Variants in SPATA13 observed in about 807,000 individuals in gnomAD.
The protein encoded by SPATA13 is spermatogenesis-associated protein 13.
SPATA13 carries 50 observed loss-of-function variants against 104.0 expected under a neutral mutation model. The ratio of observed to expected loss-of-function variants is 0.48; its 90% confidence interval spans 0.38 to 0.61. The LOEUF (loss-of-function observed/expected upper bound fraction) is 0.61, where lower values mean the gene tolerates loss of function less well. Among genes scored for constraint, SPATA13 ranks in the 20% least tolerant of loss-of-function variants. The probability of loss-of-function intolerance (pLI) is 0.00; values close to 1 mark genes in which losing one functional copy is unlikely to be tolerated. For missense variants in SPATA13, 1,524 were observed against 1,690.6 expected, an observed-to-expected ratio of 0.90 and a Z score of 1.73; for synonymous variants, 606 against 667.5, an observed-to-expected ratio of 0.91 and a Z score of 1.42.
At chr13:24,290,984 C>G (rs1422097300) in intron 9 of SPATA13, 100 bp downstream of exon 9, 1 of 931,756 alleles carries the variant, frequency 1.1e-6, no homozygotes, top group Non-Finnish European at 1.6e-6. Context: ...CAGTGTCAGC[C>G]TTAACACTTT....
At chr13:24,172,126 C>T (rs1882996679) in intron 1 of SPATA13, among the ~76,000 whole-genome samples, 1 of 152,320 alleles carries the variant, frequency 6.6e-6, no homozygotes, top group Non-Finnish European at 1.5e-5. Flanking sequence ...CTAGTTTCCT[C>T]TGTCCCACCC....
chr13:24,097,519 A>G (rs1173014996), intron 3 of SPATA13, among the ~76,000 whole-genome samples: 4 of 152,188 alleles, frequency 2.6e-5, no homozygotes, highest in African/African-American at 9.7e-5. Context: ...GACTGCAGCA[A>G]CCACACAGCC....
intron 3 of SPATA13, chr13:24,034,625 A>G (rs960713013): frequency 2.0e-5 from 3 of 152,218 alleles, no homozygotes; most frequent in Non-Finnish European, 4.4e-5. Flanking sequence ...CTTGGGCCCT[A>G]GTCTTGTGAT....
At chr13:24,280,294 A>G (rs554930762) in intron 4 of SPATA13, among the ~76,000 whole-genome samples, 2 of 151,974 alleles carry the variant, frequency 1.3e-5, no homozygotes, top group East Asian at 3.9e-4. Context: ...TTTTCAATAG[A>G]CTCCTGTTAA....
intron 4 of SPATA13, among the ~76,000 whole-genome samples, chr13:24,261,235 C>G (rs781523666): frequency 2.0e-5 from 3 of 152,114 alleles, no homozygotes; most frequent in African/African-American, 7.2e-5. Flanking sequence ...TATGAAGAAC[C>G]GAGAGGTCGA....
chr13:24,278,755 C>G, intron 4 of SPATA13: 1 of 1,593,784 alleles, frequency 6.3e-7, no homozygotes, highest in South Asian at 1.1e-5. Flanking sequence ...GAAACTTGAC[C>G]AAGGACTCAT....
At chr13:24,209,600 C>G (rs1870901791) in intron 1 of SPATA13, among the ~76,000 whole-genome samples, 1 of 152,190 alleles carries the variant, frequency 6.6e-6, no homozygotes, top group South Asian at 2.1e-4. Flanking sequence ...GACAGGACAT[C>G]CTTTTCATGA....
At position 24,297,830 on chromosome 13, in the gene SPATA13, C is replaced by T. The variant is rs956637397; in HGVS notation, c.3583+95C>T. ...TGGGCCTGCTCTGCCCAGCCTTCTC[C>T]CTCAGAGCTGAATCCCACCATGGGG... On this transcript the variant is annotated intron_variant, in intron 11 of 12. Coordinates refer to ENST00000382108, the MANE Select transcript of SPATA13 (RefSeq NM_001166271.3). 15 of 1,424,780 alleles carry T rather than the reference C, an allele frequency of 1.1e-5. No homozygotes were observed. In the African/African-American group the frequency reaches 1.4e-4, roughly 14 times the overall value. 88.3% of individuals were successfully genotyped at this position (1,424,780 alleles called of 1,614,324 possible). A position where few individuals can be genotyped will look rare whatever the true frequency, so the allele number is the denominator to read the frequency against.
chr13:24,105,094 C>T (rs1049656476), intron 3 of SPATA13, among the ~76,000 whole-genome samples: 32 of 150,906 alleles, frequency 2.1e-4, no homozygotes, highest in African/African-American at 6.2e-4. Context: ...ACTATGGTAC[C>T]TCTTGGCTTC....
chr13:24,079,635 A>G (rs1235725240), intron 3 of SPATA13, among the ~76,000 whole-genome samples: 3 of 152,114 alleles, frequency 2.0e-5, no homozygotes, highest in African/African-American at 4.8e-5. Context: ...CCTGCCAAGT[A>G]TGGGGTCCAG....
chr13:24,218,708 G>GT lies in SPATA13; in HGVS notation c.-111-4100dup, dbSNP rs199886090. ...AAACTTTGGTAAAACATTATGAGGG[G>GT]TTTTTTTTTTTGCGATTTTTTTTTT... On this transcript the variant is annotated intron_variant, in intron 1 of 12. Coordinates refer to ENST00000382108, the MANE Select transcript of SPATA13 (RefSeq NM_001166271.3). 2.9e-3 allele frequency among the ~76,000 whole-genome samples: 397 copies of GT among 138,388 alleles called. 2 individuals are homozygous for GT. Among genetic ancestry groups the GT allele is most frequent in the African/African-American group, 7.8e-3 (285 of 36,518 alleles). The allele number at this position is 138,388 out of a possible 152,430, so 90.8% of individuals were successfully genotyped here. A position where few individuals can be genotyped will look rare whatever the true frequency, so the allele number is the denominator to read the frequency against.
intron 2 of SPATA13, among the ~76,000 whole-genome samples, chr13:24,229,010 C>A (rs948201487): frequency 6.6e-6 from 1 of 152,220 alleles, no homozygotes; most frequent in South Asian, 2.1e-4. Flanking sequence ...GCATGCCATG[C>A]TCCTGCCACC....
intron 1 of SPATA13, among the ~76,000 whole-genome samples, chr13:24,162,029 C>T (rs1441261567): frequency 6.6e-6 from 1 of 152,160 alleles, no homozygotes; most frequent in Non-Finnish European, 1.5e-5. Context: ...TCCCCCTCCC[C>T]CGTCTTGCAA....
At chr13:24,095,211 A>G (rs555183098) in intron 3 of SPATA13, among the ~76,000 whole-genome samples, 7 of 152,346 alleles carry the variant, frequency 4.6e-5, no homozygotes, top group Non-Finnish European at 1.0e-4. Context: ...AGGCAATGAA[A>G]TATTATTTAT....
chr13:24,263,844 C>G (rs1247491791), intron 4 of SPATA13, among the ~76,000 whole-genome samples: 2 of 152,204 alleles, frequency 1.3e-5, no homozygotes, highest in Non-Finnish European at 2.9e-5. Flanking sequence ...AAGTGTTTTC[C>G]TGACTGCTAA....
intron 3 of SPATA13, among the ~76,000 whole-genome samples, chr13:24,066,663 A>T (rs1227579882): frequency 6.6e-6 from 1 of 152,114 alleles, no homozygotes; most frequent in Admixed American, 6.5e-5. Flanking sequence ...ATGGGCCAGG[A>T]GGGGTCTGTT....
intron 9 of SPATA13, among the ~76,000 whole-genome samples, chr13:24,291,358 A>C (rs568474767): frequency 1.3e-5 from 2 of 152,302 alleles, no homozygotes; most frequent in East Asian, 3.9e-4. Context: ...GGCTTACCTA[A>C]AGTTACTTGT....
chr13:24,152,731 C>T (rs1164301963), intron 3 of SPATA13, among the ~76,000 whole-genome samples: 1 of 152,194 alleles, frequency 6.6e-6, no homozygotes, highest in African/African-American at 2.4e-5. Flanking sequence ...GCTCATTCAT[C>T]AGGCTTGTGT....
intron 3 of SPATA13, among the ~76,000 whole-genome samples, chr13:24,148,108 C>T (rs2138467039): frequency 6.6e-6 from 1 of 152,352 alleles, no homozygotes; most frequent in African/African-American, 2.4e-5. Context: ...TTTCCGCATA[C>T]ACCCAGGGGT....
Sources: gnomAD v4.1 joint callset for allele counts (sites outside exome capture counted in the v4.1 genomes callset) on GRCh38, gnomAD v4.1.1 for gene constraint, MANE v1.5 for transcripts, NCBI Gene and HGNC (gene_info 2026-07-23, HGNC 2026-07-21) for gene names.